The following NLRP5 variants were observed in gnomAD, a reference collection of about 807,000 sequenced individuals.
The protein encoded by NLRP5 is NLR family pyrin domain containing 5.
In NLRP5, 93 loss-of-function variants were observed where a neutral mutation model predicts 113.1. The ratio of observed to expected loss-of-function variants is 0.82; its 90% CI spans 0.70 to 0.98. The LOEUF (loss-of-function observed/expected upper bound fraction) is 0.98. Ranked by LOEUF, NLRP5 falls within the 50% of genes least tolerant of loss-of-function variation. The pLI is 0.00. For missense variants in NLRP5, 1,808 were observed against 1,514.3 expected, an observed-to-expected ratio of 1.19 and a Z score of -3.22; for synonymous variants, 751 against 600.7, an observed-to-expected ratio of 1.25 and a Z score of -3.66.
the NLRP5 span, among the ~76,000 whole-genome samples, chr19:55,989,163 A>C: frequency 1.3e-5 from 2 of 152,172 alleles, no homozygotes; most frequent in African/African-American, 4.8e-5. Context: ...TAATTGTAAG[A>C]ATACCTCAAT....
the NLRP5 span, among the ~76,000 whole-genome samples, chr19:55,987,075 T>C: frequency 1.3e-5 from 2 of 152,206 alleles, no homozygotes; most frequent in African/African-American, 2.4e-5. Context: ...CGGTCTAAAA[T>C]ACTGTACAGA....
At chr19:56,042,172 A>C (rs1389239346) in intron 11 of NLRP5, among the ~76,000 whole-genome samples, 2 of 152,220 alleles carry the variant, frequency 1.3e-5, no homozygotes, top group Non-Finnish European at 2.9e-5. Context: ...GAGAATTACC[A>C]ACACATTATA....
At chr19:56,059,845 C>G (rs1402967894) in intron 14 of NLRP5, among the ~76,000 whole-genome samples, 2 of 152,176 alleles carry the variant, frequency 1.3e-5, no homozygotes, top group African/African-American at 2.4e-5. Flanking sequence ...ATATTTATAT[C>G]AATAGAAAAT....
At chr19:56,024,602 CAT>C (rs1447618422) in intron 6 of NLRP5, among the ~76,000 whole-genome samples, 6 of 150,118 alleles carry the variant, frequency 4.0e-5, no homozygotes, top group Non-Finnish European at 8.9e-5. Context: ...CACACACACA[CAT>C]GAAATTAGCT....
intron 9 of NLRP5, among the ~76,000 whole-genome samples, chr19:56,035,438 G>T (rs1983275793): frequency 6.6e-6 from 1 of 152,160 alleles, no homozygotes; most frequent in Non-Finnish European, 1.5e-5. Context: ...GTTTATCTGG[G>T]AACAGATGGA....
chr19:56,037,524 G>C (rs1003602448), intron 9 of NLRP5, among the ~76,000 whole-genome samples: 121 of 151,838 alleles, frequency 8.0e-4, no homozygotes, highest in African/African-American at 2.8e-3. Context: ...GAAACCCCGT[G>C]TGTACTAAAA....
chr19:56,010,264 A>T (rs1982130283), intron 3 of NLRP5, among the ~76,000 whole-genome samples: 1 of 152,258 alleles, frequency 6.6e-6, no homozygotes, highest in Admixed American at 6.5e-5. Context: ...CAGAAGCTCA[A>T]TGCACACCAA....
rs115447722 is a variant in NLRP5, at chr19:56,026,955, C to A, written c.722C>A (p.Thr241Asn). 12 of 1,551,720 alleles carry A rather than the reference C, an allele frequency of 7.7e-6. No individual in the cohort carries two copies. The African/African-American group carries it at 1.5e-4, about 19-fold the overall frequency. Residue 241 changes from threonine (T) to asparagine (N), a missense_variant, in exon 7 of 15, where the codon ACC (threonine) becomes AAC (asparagine). Physicochemically the swap from Thr to Asn is moderately conservative, Grantham distance 65. Transcript: ENST00000390649. ...TGGGACTACAAGAGTCACGTGATGA[C>A]CAAATTCGCTGAGGAGGAGGATGTA... is the stretch of plus-strand genomic sequence containing the variant.
At chr19:56,024,447 A>T (rs960246764) in intron 6 of NLRP5, among the ~76,000 whole-genome samples, 52 of 146,870 alleles carry the variant, frequency 3.5e-4, no homozygotes, top group Non-Finnish European at 7.1e-4. Context: ...ACATATATTT[A>T]TATATACGTA....
intron 7 of NLRP5, among the ~76,000 whole-genome samples, chr19:56,031,988 T>A (rs1983134431): frequency 6.6e-6 from 1 of 152,136 alleles, no homozygotes; most frequent in African/African-American, 2.4e-5. Context: ...GGAACCTCTG[T>A]ACTGTTTTCC....
At chr19:55,991,204 T>G in the NLRP5 span, among the ~76,000 whole-genome samples, 2 of 152,180 alleles carry the variant, frequency 1.3e-5, no homozygotes, top group Non-Finnish European at 2.9e-5. Flanking sequence ...TCTATTCCAT[T>G]TGCTCATTAT....
intron 7 of NLRP5, among the ~76,000 whole-genome samples, chr19:56,032,181 T>C (rs1330979458): frequency 4.0e-5 from 6 of 151,220 alleles, no homozygotes; most frequent in Non-Finnish European, 8.9e-5. Flanking sequence ...CCCATCTCTA[T>C]TAAAAATGCA....
chr19:56,058,139 G>GTTTTC, intron 13 of NLRP5, 101 bp from the exon 14 acceptor site: 2 of 923,824 alleles, frequency 2.2e-6, no homozygotes, highest in East Asian at 2.7e-5. Context: ...GTTTTGTTTT[G>GTTTTC]TTTTCCCAAA....
At chr19:56,058,197 C>G (rs775150942) in intron 13 of NLRP5, 43 bp from the exon 14 acceptor site, 12 of 1,510,904 alleles carry the variant, frequency 7.9e-6, no homozygotes, top group African/African-American at 4.2e-5. Flanking sequence ...AAGGGTCCAT[C>G]ATCGATCTTT....
At chr19:56,060,539 A>C (rs1410679351) in intron 14 of NLRP5, among the ~76,000 whole-genome samples, 1 of 152,146 alleles carries the variant, frequency 6.6e-6, no homozygotes, top group Non-Finnish European at 1.5e-5. Flanking sequence ...GAACCTATCA[A>C]TGACATTAAG....
chr19:56,000,059 C>G (rs1981572918), intron 1 of NLRP5, among the ~76,000 whole-genome samples: 1 of 151,230 alleles, frequency 6.6e-6, no homozygotes, highest in Admixed American at 6.6e-5. Flanking sequence ...TGCCACCTCT[C>G]CACTCTTTTC....
At position 56,026,577 on chromosome 19, in the gene NLRP5, ATTTATT is replaced by A. The variant is rs201093665; in HGVS notation, c.680-321_680-316del. Among the ~76,000 whole-genome samples the A allele has an allele frequency of 3.9e-3, 555 of 141,166 alleles. 5 individuals are homozygous for A. The highest frequency in any genetic ancestry group is 0.014 in the African/African-American group (525 of 38,880). 92.6% of individuals were successfully genotyped at this position (141,166 alleles called of 152,430 possible). A position where few individuals can be genotyped will look rare whatever the true frequency, so the allele number is the denominator to read the frequency against. On this transcript the variant is annotated intron_variant, in intron 6 of 14. Transcript: ENST00000390649. ...GACTGGCTTCAAATTTTGTTTCCCG[ATTTATT>A]TTTATTTTTATTTTGAGATAGAGTC...
chr19:56,009,850 C>T (rs1982114052), intron 3 of NLRP5, among the ~76,000 whole-genome samples: 1 of 152,122 alleles, frequency 6.6e-6, no homozygotes, highest in African/African-American at 2.4e-5. Context: ...GGGGAAAGAG[C>T]TCTTCAAAGC....
rs1473116971 is a variant in NLRP5 at position 56,055,824 on chromosome 19, CA to C, written c.3299+2017del. Among the ~76,000 whole-genome samples, 16 of 152,204 alleles carry C rather than the reference CA, an allele frequency of 1.1e-4. No homozygotes were observed. In the South Asian group the frequency reaches 3.1e-3, roughly 30 times the overall value. Reference sequence around the variant, plus strand: ...CCTCCCAAAGTGCTGGGATTACAGGCATAAGCCACCGCGCCTGGCCTGTTTT... The same window carrying C: ...CCTCCCAAAGTGCTGGGATTACAGGCTAAGCCACCGCGCCTGGCCTGTTTT... On this transcript the variant is annotated intron_variant, in intron 13 of 14. Transcript: ENST00000390649.
Sources: gnomAD v4.1 joint callset for allele counts (sites outside exome capture counted in the v4.1 genomes callset) on GRCh38, gnomAD v4.1.1 for gene constraint, MANE v1.5 for transcripts, NCBI Gene and HGNC (gene_info 2026-07-23, HGNC 2026-07-21) for gene names.